Variants in CSNK1G1 observed in about 807,000 individuals in gnomAD.
The protein encoded by CSNK1G1 is casein kinase 1 gamma 1.
A neutral mutation model predicts 59.6 loss-of-function variants in CSNK1G1; 22 were observed. That is an observed-to-expected ratio of 0.37 (90% CI 0.26 to 0.53). The LOEUF is 0.53. Ranked by LOEUF, CSNK1G1 falls within the 20% of genes least tolerant of loss-of-function variation. CSNK1G1 has a pLI of 0.89. For missense variants in CSNK1G1, 384 were observed against 519.5 expected (o/e 0.74, Z 2.54); for synonymous variants, 179 against 177.1 (o/e 1.01, Z -0.08).
intron 1 of CSNK1G1, among the ~76,000 whole-genome samples, chr15:64,351,685 C>A (rs1036971083): frequency 6.6e-6 from 1 of 152,138 alleles, no homozygotes; most frequent in Non-Finnish European, 1.5e-5. Context: ...TCAAGACCAG[C>A]GTGGCCAACA....
intron 1 of CSNK1G1, among the ~76,000 whole-genome samples, chr15:64,354,103 A>C (rs1270304928): frequency 6.6e-6 from 1 of 152,200 alleles, no homozygotes; most frequent in Non-Finnish European, 1.5e-5. Context: ...CAGGAGTTCA[A>C]GACCAACCTG....
intron 6 of CSNK1G1, among the ~76,000 whole-genome samples, chr15:64,211,239 T>C (rs1380563185): frequency 6.6e-6 from 1 of 152,216 alleles, no homozygotes; most frequent in African/African-American, 2.4e-5. Context: ...AGAAGTGATT[T>C]TCTCAAAGCC....
chr15:64,251,668 A>G (rs1892093127), intron 3 of CSNK1G1, 87 bp from the exon 4 acceptor site: 13 of 881,446 alleles, frequency 1.5e-5, no homozygotes, highest in South Asian at 1.1e-4. Context: ...GAGGGCTAAG[A>G]TCACCCAATG....
intron 4 of CSNK1G1, among the ~76,000 whole-genome samples, chr15:64,232,749 G>A (rs1036580119): frequency 3.3e-5 from 5 of 152,064 alleles, no homozygotes; most frequent in Non-Finnish European, 7.3e-5. Flanking sequence ...ATTCTCTAAC[G>A]GCAGCCACTA....
At chr15:64,257,268 T>C (rs148458954) in intron 3 of CSNK1G1, among the ~76,000 whole-genome samples, 170 of 152,192 alleles carry the variant, frequency 1.1e-3, no homozygotes, top group African/African-American at 4.0e-3. Context: ...AGCTTATCTA[T>C]ACAGGTTGAT....
intron 4 of CSNK1G1, among the ~76,000 whole-genome samples, chr15:64,241,503 T>C (rs896830606): frequency 6.6e-6 from 1 of 152,132 alleles, no homozygotes; most frequent in Non-Finnish European, 1.5e-5. Context: ...AGCTTCAGAG[T>C]ATATACTTTT....
intron 4 of CSNK1G1, among the ~76,000 whole-genome samples, chr15:64,242,497 C>G (rs1891526405): frequency 6.6e-6 from 1 of 152,202 alleles, no homozygotes; most frequent in Non-Finnish European, 1.5e-5. Flanking sequence ...GAAGCCTCAT[C>G]AGAAGCCAAG....
intron 1 of CSNK1G1, among the ~76,000 whole-genome samples, chr15:64,318,382 T>G (rs945973833): frequency 1.3e-5 from 2 of 152,100 alleles, no homozygotes; most frequent in Non-Finnish European, 2.9e-5. Context: ...TTCTAGAAAT[T>G]TGTGGCATGA....
At chr15:64,233,922 G>A (rs2082581502) in intron 4 of CSNK1G1, among the ~76,000 whole-genome samples, 1 of 152,130 alleles carries the variant, frequency 6.6e-6, no homozygotes, top group Non-Finnish European at 1.5e-5. Context: ...CTGGACTTAA[G>A]CTACAACATC....
intron 2 of CSNK1G1, among the ~76,000 whole-genome samples, chr15:64,268,542 T>C (rs960482505): frequency 1.3e-5 from 2 of 152,170 alleles, no homozygotes; most frequent in Non-Finnish European, 2.9e-5. Context: ...CATGTCTGTG[T>C]GGGTTTCTTC....
At chr15:64,251,476 C>T (rs1566920079) in intron 4 of CSNK1G1, 36 bp downstream of exon 4, 1 of 1,489,426 alleles carries the variant, frequency 6.7e-7, no homozygotes, top group Admixed American at 1.8e-5. Context: ...AGCTAAGATA[C>T]ATACTAAGTA....
At chr15:64,215,369 C>T (rs971060890) in intron 5 of CSNK1G1, among the ~76,000 whole-genome samples, 7 of 151,928 alleles carry the variant, frequency 4.6e-5, no homozygotes, top group African/African-American at 7.3e-5. Context: ...CTCGCCACCA[C>T]GCCCAGCTAA....
intron 1 of CSNK1G1, among the ~76,000 whole-genome samples, chr15:64,303,835 C>T (rs926718153): frequency 6.7e-6 from 1 of 148,298 alleles, no homozygotes; most frequent in Non-Finnish European, 1.5e-5. Context: ...TGGAGAATTG[C>T]TTGAGCATGG....
chr15:64,217,916 G>A (rs1411267904), intron 4 of CSNK1G1, among the ~76,000 whole-genome samples: 1 of 151,948 alleles, frequency 6.6e-6, no homozygotes, highest in East Asian at 1.9e-4. Flanking sequence ...GTGGTCTACA[G>A]TTGCATATGT....
At chr15:64,177,061 A>G (rs2140204611) in intron 11 of CSNK1G1, among the ~76,000 whole-genome samples, 1 of 152,364 alleles carries the variant, frequency 6.6e-6, no homozygotes, top group South Asian at 2.1e-4. Flanking sequence ...AAACAAGGAC[A>G]TATGTCCTGG....
chr15:64,341,517 G>A (rs1473970010), intron 1 of CSNK1G1, among the ~76,000 whole-genome samples: 1 of 152,190 alleles, frequency 6.6e-6, no homozygotes, highest in Non-Finnish European at 1.5e-5. Context: ...CTGTCACTCA[G>A]GCTGGAGTGT....
intron 1 of CSNK1G1, among the ~76,000 whole-genome samples, chr15:64,313,917 T>C (rs963248022): frequency 1.3e-5 from 2 of 151,452 alleles, no homozygotes; most frequent in African/African-American, 4.8e-5. Flanking sequence ...GCCTCCTATG[T>C]GCCTAAAACT....
chr15:64,323,985 A>G (rs1896704705), intron 1 of CSNK1G1, among the ~76,000 whole-genome samples: 1 of 152,202 alleles, frequency 6.6e-6, no homozygotes, highest in African/African-American at 2.4e-5. Flanking sequence ...AATTCATTAA[A>G]TCCTTCCACT....
At chr15:64,290,685 T>C (rs1168414619) in intron 2 of CSNK1G1, among the ~76,000 whole-genome samples, 1 of 152,168 alleles carries the variant, frequency 6.6e-6, no homozygotes, top group Non-Finnish European at 1.5e-5. Flanking sequence ...AGGGAATATA[T>C]CCACATAACA....
Sources: gnomAD v4.1 joint callset for allele counts (sites outside exome capture counted in the v4.1 genomes callset) on GRCh38, gnomAD v4.1.1 for gene constraint, MANE v1.5 for transcripts, NCBI Gene and HGNC (gene_info 2026-07-23, HGNC 2026-07-21) for gene names.